KDM1B: variants seen among roughly 807,000 people sequenced by gnomAD.
KDM1B encodes lysine-specific histone demethylase 2.
KDM1B carries 63 observed loss-of-function variants against 107.4 expected under a neutral mutation model. That is an observed-to-expected ratio of 0.59 (90% confidence interval 0.48 to 0.72). The LOEUF (loss-of-function observed/expected upper bound fraction) is 0.72, where lower values mean the gene tolerates loss of function less well. Ranked by LOEUF, KDM1B falls within the 30% of genes least tolerant of loss-of-function variation. The probability of loss-of-function intolerance (pLI) is 0.00; values close to 1 mark genes in which losing one functional copy is unlikely to be tolerated. For missense variants in KDM1B, 749 were observed against 1,020.8 expected, an observed-to-expected ratio of 0.73 and a Z score of 3.63; for synonymous variants, 363 against 363.9, an observed-to-expected ratio of 1.00 and a Z score of 0.03.
At chr6:18,182,040 AT>A (rs1349715202) in intron 7 of KDM1B, among the ~76,000 whole-genome samples, 3 of 151,848 alleles carry the variant, frequency 2.0e-5, no homozygotes, top group African/African-American at 7.3e-5. Context: ...CCATAGTTCC[AT>A]TTTTTTATTT....
rs1159535912 is a variant in KDM1B at position 18,205,165 on chromosome 6, C to CTG, written c.1532-363_1532-362dup. The stretch of plus-strand genomic sequence containing the variant: ...AGGACCAGAAAGAGAATGGTAACTT[C>CTG]TGTGTGTGTGCATGTACATCTATGT... On this transcript the variant is annotated intron_variant, in intron 14 of 21. Coordinates refer to ENST00000650836, the MANE Select transcript of KDM1B (RefSeq NM_001364614.2). This position sits in a 1 kb window ranked among gnomAD's most constrained non-coding sequence, Gnocchi z 5.7. Among the ~76,000 whole-genome samples, 2 of 152,050 alleles carry CTG rather than the reference C, an allele frequency of 1.3e-5. No homozygotes were observed. The highest frequency in any genetic ancestry group is 4.8e-5 in the African/African-American group (2 of 41,388).
In KDM1B at chr6:18,207,392, TC is replaced by T; in HGVS notation, c.1660-3del. ...TGCTGTGTCCCCAACCTCTCTTGTT[TC>T]CCAGGTATCTGCTCGCTCGTGGGAC... On this transcript the variant is annotated splice_region_variant and splice_polypyrimidine_tract_variant and intron_variant, in intron 15 of 21. Coordinates refer to ENST00000650836, the MANE Select transcript of KDM1B (RefSeq NM_001364614.2). 6.2e-7 allele frequency: 1 copy of T among 1,613,988 alleles called. No individual in the cohort carries two copies. The highest frequency in any genetic ancestry group is 1.3e-5 in the African/African-American group (1 of 75,056).
At chr6:18,170,210 T>C (rs1051121171) in intron 6 of KDM1B, among the ~76,000 whole-genome samples, 5 of 152,194 alleles carry the variant, frequency 3.3e-5, no homozygotes, top group Non-Finnish European at 5.9e-5. Context: ...TCTGGAATCA[T>C]TTTAAATTTA....
intron 5 of KDM1B, among the ~76,000 whole-genome samples, chr6:18,163,416 T>G (rs1785096554): frequency 6.6e-6 from 1 of 152,178 alleles, no homozygotes; most frequent in Non-Finnish European, 1.5e-5. Context: ...TGATTCTATT[T>G]TATTGTTTTC....
intron 7 of KDM1B, among the ~76,000 whole-genome samples, chr6:18,173,874 C>T (rs1785820912): frequency 1.3e-5 from 2 of 152,080 alleles, no homozygotes; most frequent in Admixed American, 1.3e-4. Context: ...CAACCTCCGC[C>T]TCCCGGGTTC....
intron 3 of KDM1B, among the ~76,000 whole-genome samples, chr6:18,160,460 G>A (rs1784894165): frequency 6.6e-6 from 1 of 152,132 alleles, no homozygotes; most frequent in Admixed American, 6.5e-5. Context: ...AGGGGGCCAG[G>A]CACGGTGGCT....
At chr6:18,194,407 G>A (rs1450131293) in intron 10 of KDM1B, among the ~76,000 whole-genome samples, 3 of 152,126 alleles carry the variant, frequency 2.0e-5, no homozygotes, top group Non-Finnish European at 4.4e-5. Context: ...TTTCTGTAGT[G>A]GCCTTTGTTG....
At chr6:18,156,872 G>A (rs1170850740) in intron 2 of KDM1B, among the ~76,000 whole-genome samples, 1 of 151,904 alleles carries the variant, frequency 6.6e-6, no homozygotes, top group Non-Finnish European at 1.5e-5. Context: ...AGCCGAGATC[G>A]CACCACTGTA....
intron 7 of KDM1B, among the ~76,000 whole-genome samples, chr6:18,184,273 C>CTTT (rs1163110910): frequency 1.1e-4 from 13 of 116,640 alleles, no homozygotes; most frequent in East Asian, 2.7e-4. Context: ...GTTCTAGCTT[C>CTTT]TTTTTTTTTT....
In KDM1B at chr6:18,197,515, G is replaced by A; in HGVS notation, c.1147-72G>A. 8.2e-7 allele frequency: 1 copy of A among 1,217,312 alleles called. No individual in the cohort carries two copies. Among genetic ancestry groups the A allele is most frequent in the South Asian group, 1.3e-5 (1 of 79,868 alleles). 75.4% of individuals were successfully genotyped at this position (1,217,312 alleles called of 1,614,324 possible). On this transcript the variant is annotated intron_variant, in intron 11 of 21. Coordinates refer to ENST00000650836, the MANE Select transcript of KDM1B (RefSeq NM_001364614.2). This position sits in a 1 kb window ranked among gnomAD's most constrained non-coding sequence, Gnocchi z 4.5. ...TGTAAATGAACGAATTTGCTCTGCA[G>A]TTCCGGAACAACTAAAACAGGACGT...
intron 7 of KDM1B, among the ~76,000 whole-genome samples, chr6:18,180,722 C>T (rs1339704621): frequency 1.3e-5 from 2 of 152,130 alleles, no homozygotes. Context: ...CTCACCACCA[C>T]GCCCAGCTAA....
intron 7 of KDM1B, among the ~76,000 whole-genome samples, chr6:18,182,149 A>T (rs1231507201): frequency 9.2e-5 from 14 of 152,044 alleles, no homozygotes; most frequent in Admixed American, 9.2e-4. Context: ...AAACTTAACT[A>T]CTTTTCTTCT....
intron 6 of KDM1B, 58 bp downstream of exon 6, chr6:18,166,436 A>G (rs946400781): frequency 4.8e-5 from 44 of 917,144 alleles, no homozygotes; most frequent in Admixed American, 2.2e-4. Context: ...TGCAAGAGGC[A>G]TGGATGAAAA....
At chr6:18,221,337 TCCTCCC>T (rs2151062912) in intron 21 of KDM1B, among the ~76,000 whole-genome samples, 1 of 152,302 alleles carries the variant, frequency 6.6e-6, no homozygotes, top group African/African-American at 2.4e-5. Flanking sequence ...TCCTATCCTG[TCCTCCC>T]CTATCCTCCT....
At position 18,191,964 on chromosome 6, in the gene KDM1B, C is replaced by CA. The variant is rs1561932912; in HGVS notation, c.969+589dup. On this transcript the variant is annotated intron_variant, in intron 10 of 21. Coordinates refer to ENST00000650836, the MANE Select transcript of KDM1B (RefSeq NM_001364614.2). This position sits in a 1 kb window ranked among gnomAD's most constrained non-coding sequence, Gnocchi z 5.1. ...GCAGAATGGGAATACTAGCTAAAAA[C>CA]AAAAAACAAAGGGGCTGGGTGAAGT... Among the ~76,000 whole-genome samples, 1 of 151,890 alleles carries CA rather than the reference C, an allele frequency of 6.6e-6. No homozygotes were observed. The highest frequency in any genetic ancestry group is 6.6e-5 in the Admixed American group (1 of 15,238).
intron 15 of KDM1B, among the ~76,000 whole-genome samples, chr6:18,206,090 A>G (rs953903961): frequency 6.6e-6 from 1 of 152,036 alleles, no homozygotes; most frequent in African/African-American, 2.4e-5. Flanking sequence ...TCTCCTTAAA[A>G]GTTTGAAAAC....
chr6:18,200,386 T>A lies in KDM1B; in HGVS notation c.1222-53T>A, dbSNP rs185277982. On this transcript the variant is annotated intron_variant, in intron 12 of 21. Transcript: ENST00000650836. This position sits in a 1 kb window ranked among gnomAD's most constrained non-coding sequence, Gnocchi z 4.3. ...CCTTCTACATTTTTATAATACTGTG[T>A]CTGATATAACTCTTGTGTCCTATTT... is the stretch of plus-strand genomic sequence containing the variant. The A allele has an allele frequency of 5.9e-4, 909 of 1,547,454 alleles. No homozygotes were observed. Among genetic ancestry groups the A allele is most frequent in the South Asian group, 7.7e-4 (65 of 84,566 alleles).
chr6:18,157,049 A>T (rs1784658279), intron 2 of KDM1B, among the ~76,000 whole-genome samples: 1 of 152,250 alleles, frequency 6.6e-6, no homozygotes, highest in Non-Finnish European at 1.5e-5. Context: ...ATTAAAAGAA[A>T]ACCAAAGCCA....
rs1220766946 is a variant in KDM1B at position 18,172,492 on chromosome 6, T to TGCTC, written c.534+1014_534+1017dup. On this transcript the variant is annotated intron_variant, in intron 7 of 21. Coordinates refer to ENST00000650836, the MANE Select transcript of KDM1B (RefSeq NM_001364614.2). This position sits in a 1 kb window ranked among gnomAD's most constrained non-coding sequence, Gnocchi z 5.2. The stretch of plus-strand genomic sequence containing the variant: ...TGAAACTTTTTGAGCTCTGAGATGA[T>TGCTC]GCTCAGAGGTTCTGCTCAAAGGAAA... Among the ~76,000 whole-genome samples the TGCTC allele has an allele frequency of 7.9e-5, 12 of 152,162 alleles. No homozygotes were observed. Among genetic ancestry groups the TGCTC allele is most frequent in the Admixed American group, 7.9e-4 (12 of 15,266 alleles).
Sources: gnomAD v4.1 joint callset for allele counts (sites outside exome capture counted in the v4.1 genomes callset) on GRCh38, gnomAD v4.1.1 for gene constraint, Gnocchi (gnomAD v3.1) non-coding constraint, MANE v1.5 for transcripts, NCBI Gene and HGNC (gene_info 2026-07-23, HGNC 2026-07-21) for gene names.